The following GRID1 variants were observed in gnomAD, a reference collection of about 807,000 sequenced individuals.
GRID1 encodes the protein glutamate ionotropic receptor delta type subunit 1.
GRID1 carries 28 observed loss-of-function variants against 98.0 expected under a neutral mutation model. The observed-to-expected ratio is 0.29, with a 90% CI of 0.21 to 0.39. The LOEUF (loss-of-function observed/expected upper bound fraction) is 0.39, where lower values mean the gene tolerates loss of function less well. GRID1 is among the 10% of genes least tolerant of loss of function. The pLI is 1.00. For synonymous variants in GRID1, 553 were observed against 538.5 expected, an observed-to-expected ratio of 1.03 and a Z score of -0.37; for missense variants, 1,111 against 1,340.5, an observed-to-expected ratio of 0.83 and a Z score of 2.67.
At chr10:86,033,735 C>T (rs1843217924) in intron 4 of GRID1, among the ~76,000 whole-genome samples, 1 of 152,226 alleles carries the variant, frequency 6.6e-6, no homozygotes, top group African/African-American at 2.4e-5. Flanking sequence ...GCTCTCTCTC[C>T]CATCACACCC....
intron 4 of GRID1, among the ~76,000 whole-genome samples, chr10:86,096,869 G>C (rs947496074): frequency 1.3e-5 from 2 of 152,204 alleles, no homozygotes; most frequent in African/African-American, 4.8e-5. Flanking sequence ...TCCGTAGCCA[G>C]GATTCACGGG....
chr10:85,988,393 C>T (rs1842638339), intron 4 of GRID1, among the ~76,000 whole-genome samples: 1 of 152,108 alleles, frequency 6.6e-6, no homozygotes, highest in African/African-American at 2.4e-5. Flanking sequence ...TGTAGGGAAG[C>T]TTTTTTCAGT....
intron 2 of GRID1, among the ~76,000 whole-genome samples, chr10:86,234,369 C>T (rs904757380): frequency 6.6e-6 from 1 of 152,140 alleles, no homozygotes; most frequent in Non-Finnish European, 1.5e-5. Flanking sequence ...CCCAGTGGAG[C>T]CAAAAGAATG....
chr10:85,755,500 T>C (rs1031512927), intron 8 of GRID1, among the ~76,000 whole-genome samples: 3 of 152,312 alleles, frequency 2.0e-5, no homozygotes, highest in African/African-American at 7.2e-5. Context: ...TTCTGCCACA[T>C]GCTAGTGGTC....
intron 4 of GRID1, among the ~76,000 whole-genome samples, chr10:86,099,711 A>C (rs949494563): frequency 1.3e-5 from 2 of 152,152 alleles, no homozygotes; most frequent in Non-Finnish European, 2.9e-5. Flanking sequence ...TTTCCTGAGC[A>C]TGTGTGTCTG....
chr10:86,318,695 C>A (rs982439970), intron 2 of GRID1, among the ~76,000 whole-genome samples: 3 of 152,192 alleles, frequency 2.0e-5, no homozygotes, highest in African/African-American at 7.2e-5. Context: ...TGAGACCCTA[C>A]CATAGGCAGG....
At chr10:85,667,189 C>G (rs1307686624) in intron 12 of GRID1, among the ~76,000 whole-genome samples, 3 of 152,106 alleles carry the variant, frequency 2.0e-5, no homozygotes, top group Non-Finnish European at 2.9e-5. Flanking sequence ...ACATCTAGCA[C>G]ATGGGAAGCC....
intron 2 of GRID1, among the ~76,000 whole-genome samples, chr10:86,223,004 A>G (rs1417457759): frequency 6.6e-6 from 1 of 152,104 alleles, no homozygotes; most frequent in East Asian, 1.9e-4. Flanking sequence ...GTGAACTATG[A>G]GCTCCTGCTG....
rs1162130421 is a variant in GRID1 at position 86,248,669 on chromosome 10, C to T, written c.236-42021G>A. ...CTCACTGCAACCTCCACCACCTGGG[C>T]TCAAGCGATCCTCCTACTTCAGCCT... On this transcript the variant is annotated intron_variant, in intron 2 of 15. Transcript: ENST00000327946. Among the ~76,000 whole-genome samples the T allele has an allele frequency of 2.7e-5, 4 of 150,244 alleles. No homozygotes were observed. The East Asian group carries it at 8.1e-4, about 30-fold the overall frequency.
intron 12 of GRID1, among the ~76,000 whole-genome samples, chr10:85,655,380 C>A (rs1469077644): frequency 6.6e-6 from 1 of 152,200 alleles, no homozygotes; most frequent in Non-Finnish European, 1.5e-5. Flanking sequence ...CCCACCTCAA[C>A]CTTGAGCTCC....
At chr10:85,707,660 A>G (rs574702763) in intron 12 of GRID1, among the ~76,000 whole-genome samples, 1 of 152,316 alleles carries the variant, frequency 6.6e-6, no homozygotes, top group African/African-American at 2.4e-5. Flanking sequence ...AGACACATGC[A>G]CACGTAATTT....
chr10:86,213,266 G>C (rs1017195299), intron 2 of GRID1, among the ~76,000 whole-genome samples: 1 of 152,006 alleles, frequency 6.6e-6, no homozygotes, highest in Non-Finnish European at 1.5e-5. Flanking sequence ...AGCAGTGCAG[G>C]GCCACAGAGA....
chr10:86,247,997 C>T (rs574445418), intron 2 of GRID1, among the ~76,000 whole-genome samples: 6 of 140,468 alleles, frequency 4.3e-5, no homozygotes, highest in African/African-American at 1.5e-4. Context: ...CCCCCCACAA[C>T]CTCCACAGAG....
intron 4 of GRID1, among the ~76,000 whole-genome samples, chr10:85,920,978 C>G (rs184133356): frequency 6.6e-6 from 1 of 152,326 alleles, no homozygotes; most frequent in East Asian, 1.9e-4. Context: ...GTGAATCCCA[C>G]GAGACCTAGC....
chr10:86,210,243 G>A (rs533821880), intron 2 of GRID1, among the ~76,000 whole-genome samples: 1 of 152,184 alleles, frequency 6.6e-6, no homozygotes, highest in South Asian at 2.1e-4. Context: ...AAGACATATA[G>A]CCGGGCTGAA....
intron 8 of GRID1, among the ~76,000 whole-genome samples, chr10:85,822,128 C>G (rs1364621072): frequency 6.6e-6 from 1 of 152,188 alleles, no homozygotes; most frequent in South Asian, 2.1e-4. Context: ...TAGGCATGGG[C>G]AAGGACTTCA....
At chr10:85,868,919 G>T (rs946016293) in intron 6 of GRID1, 91 bp downstream of exon 6, 7 of 1,013,204 alleles carry the variant, frequency 6.9e-6, no homozygotes, top group Admixed American at 2.0e-5. Flanking sequence ...GAAGTTGGTG[G>T]CAATAGGAGG....
intron 8 of GRID1, among the ~76,000 whole-genome samples, chr10:85,851,002 G>C (rs188099695): frequency 6.6e-6 from 1 of 152,074 alleles, no homozygotes; most frequent in African/African-American, 2.4e-5. Flanking sequence ...CACCACCTTT[G>C]GAAACTTAAC....
intron 8 of GRID1, among the ~76,000 whole-genome samples, chr10:85,830,856 T>A (rs1366301287): frequency 6.6e-6 from 1 of 152,214 alleles, no homozygotes. Flanking sequence ...GCTTCTACAC[T>A]GCTGGTGTAA....
Sources: gnomAD v4.1 joint callset for allele counts (sites outside exome capture counted in the v4.1 genomes callset) on GRCh38, gnomAD v4.1.1 for gene constraint, MANE v1.5 for transcripts, NCBI Gene and HGNC (gene_info 2026-07-23, HGNC 2026-07-21) for gene names.